The following GCH1 variants were observed in gnomAD, a reference collection of about 807,000 sequenced individuals.
GCH1 encodes GTP cyclohydrolase I.
A neutral mutation model predicts 25.9 loss-of-function variants in GCH1; 5 were observed. The observed-to-expected ratio is 0.19, with a 90% CI of 0.10 to 0.41. GCH1 has a LOEUF of 0.41. Ranked by LOEUF, GCH1 falls within the 10% of genes least tolerant of loss-of-function variation. The pLI is 1.00. For missense variants in GCH1, 261 were observed against 336.5 expected, an observed-to-expected ratio of 0.78 and a Z score of 1.75; for synonymous variants, 159 against 129.6, an observed-to-expected ratio of 1.23 and a Z score of -1.54.
intron 1 of GCH1, chr14:54,885,095 T>C (rs573100929): frequency 6.5e-5 from 20 of 305,392 alleles, no homozygotes; most frequent in Non-Finnish European, 1.0e-4. Context: ...TGTCATCTGT[T>C]GTCCTGGATG....
intron 3 of GCH1, among the ~76,000 whole-genome samples, chr14:54,848,781 A>G (rs539868279): frequency 3.9e-5 from 6 of 152,324 alleles, no homozygotes; most frequent in African/African-American, 1.4e-4. Flanking sequence ...TAGGATATTG[A>G]AGAAATATAT....
intron 2 of GCH1, among the ~76,000 whole-genome samples, chr14:54,864,107 C>T (rs1385011030): frequency 6.6e-6 from 1 of 152,128 alleles, no homozygotes; most frequent in Non-Finnish European, 1.5e-5. Flanking sequence ...AGCAATCCAC[C>T]TACCTCAGCC....
At position 54,843,613 on chromosome 14, in the gene GCH1, T is replaced by C. The variant is rs1287692878; in HGVS notation, c.*404A>G. 1 of 1,463,546 alleles carries C rather than the reference T, an allele frequency of 6.8e-7. No individual in the cohort carries two copies. Among genetic ancestry groups the C allele is most frequent in the Non-Finnish European group, 9.0e-7 (1 of 1,110,580 alleles). The allele number at this position is 1,463,546 out of a possible 1,614,324, so 90.7% of individuals were successfully genotyped here. ...TTTAGCACTTTCGGCACTACACCAC[T>C]TTTATTGGAGGAAGAAAAAAAACAG... is the stretch of plus-strand genomic sequence containing the variant. On this transcript the variant is annotated 3_prime_UTR_variant, in exon 6 of 6. Coordinates refer to ENST00000491895, the MANE Select transcript of GCH1 (RefSeq NM_000161.3).
Position 54,902,768 on chromosome 14 carries a change from C to T in GCH1, c.-105G>A. On this transcript the variant is annotated 5_prime_UTR_variant, in exon 1 of 6. In the 5' UTR this introduces an upstream ATG that the reference lacks. Coordinates refer to ENST00000491895, the MANE Select transcript of GCH1 (RefSeq NM_000161.3). The stretch of plus-strand genomic sequence containing the variant: ...GGACAATGGGCTGTGGCCGGAGTCA[C>T]CTGAGGAAGGTACGCAACCTGCTTA... 2 of 1,344,790 alleles carry T rather than the reference C, an allele frequency of 1.5e-6. No homozygotes were observed. Among genetic ancestry groups the T allele is most frequent in the Non-Finnish European group, 9.5e-7 (1 of 1,051,690 alleles). 83.3% of individuals were successfully genotyped at this position (1,344,790 alleles called of 1,614,324 possible). A position where few individuals can be genotyped will look rare whatever the true frequency, so the allele number is the denominator to read the frequency against.
In GCH1 at chr14:54,898,405, A is replaced by G. The variant is rs1383773759; in HGVS notation, c.343+3916T>C. Among the ~76,000 whole-genome samples the G allele has an allele frequency of 2.0e-5, 3 of 152,198 alleles. No homozygotes were observed. In the East Asian group the frequency reaches 5.8e-4, roughly 29 times the overall value. ...TGGTAAGTGAATGTGAAGGCCTAGG[A>G]CATTACTGTACACTACTGTAAACTT... On this transcript the variant is annotated intron_variant, in intron 1 of 5. Coordinates refer to ENST00000491895, the MANE Select transcript of GCH1 (RefSeq NM_000161.3).
At chr14:54,886,537 G>A (rs551556659) in intron 1 of GCH1, among the ~76,000 whole-genome samples, 9 of 152,246 alleles carry the variant, frequency 5.9e-5, no homozygotes, top group South Asian at 4.2e-4. Context: ...GCGTGAACCC[G>A]GGAAGCGGAG....
chr14:54,844,241 C>A, intron 5 of GCH1, 98 bp from the exon 6 acceptor site: 1 of 822,514 alleles, frequency 1.2e-6, no homozygotes, highest in African/African-American at 1.7e-5. Flanking sequence ...CTCACAGTTA[C>A]CAAGTATATC....
At chr14:54,849,885 G>A (rs2039698849) in intron 3 of GCH1, among the ~76,000 whole-genome samples, 1 of 152,092 alleles carries the variant, frequency 6.6e-6, no homozygotes, top group South Asian at 2.1e-4. Context: ...CTGGACTTCA[G>A]TTTCATTTTT....
chr14:54,852,002 C>A (rs532205427), intron 3 of GCH1, among the ~76,000 whole-genome samples: 71 of 152,294 alleles, frequency 4.7e-4, no homozygotes, highest in Non-Finnish European at 6.3e-4. Context: ...GTTGGCCAGG[C>A]TGGTCTCGAA....
At chr14:54,874,524 A>G (rs979892217) in intron 1 of GCH1, among the ~76,000 whole-genome samples, 27 of 152,340 alleles carry the variant, frequency 1.8e-4, no homozygotes, top group Admixed American at 1.8e-3. Flanking sequence ...AATAAAGGGT[A>G]TTCAATTAGG....
intron 3 of GCH1, among the ~76,000 whole-genome samples, chr14:54,849,354 T>C (rs2039690842): frequency 6.6e-6 from 1 of 152,202 alleles, no homozygotes; most frequent in Admixed American, 6.5e-5. Flanking sequence ...AAAAAAATCT[T>C]TATTTTGCTG....
intron 2 of GCH1, among the ~76,000 whole-genome samples, chr14:54,860,084 G>T (rs897007980): frequency 3.3e-5 from 5 of 152,110 alleles, no homozygotes; most frequent in African/African-American, 1.2e-4. Flanking sequence ...TGCAGAACCT[G>T]CATATATGAA....
chr14:54,862,606 T>TG (rs1268528588), intron 2 of GCH1, among the ~76,000 whole-genome samples: 36 of 125,274 alleles, frequency 2.9e-4, no homozygotes, highest in South Asian at 1.8e-3. Flanking sequence ...TTTTTTTTTT[T>TG]TGGTTGGTTT....
At chr14:54,883,615 C>T (rs2040305537) in intron 1 of GCH1, among the ~76,000 whole-genome samples, 1 of 151,836 alleles carries the variant, frequency 6.6e-6, no homozygotes, top group African/African-American at 2.4e-5. Flanking sequence ...GGAGGTGGAG[C>T]TTGCAGTGAG....
chr14:54,871,107 C>A (rs745336234), intron 1 of GCH1, among the ~76,000 whole-genome samples: 40 of 152,306 alleles, frequency 2.6e-4, no homozygotes, highest in Admixed American at 6.5e-5. Context: ...CAAGGAGGGG[C>A]AGACTGACAC....
intron 2 of GCH1, among the ~76,000 whole-genome samples, chr14:54,863,499 CAAAAAAAAAA>C (rs1209956263): frequency 5.6e-5 from 1 of 17,894 alleles, no homozygotes; most frequent in Non-Finnish European, 1.1e-4. Flanking sequence ...TTTGTAATAG[CAAAAAAAAAA>C]AAAAAAAAAA....
chr14:54,880,228 G>GA (rs1346426424), intron 1 of GCH1, among the ~76,000 whole-genome samples: 1 of 150,180 alleles, frequency 6.7e-6, no homozygotes, highest in Admixed American at 6.7e-5. Context: ...TGATAACTAG[G>GA]AAGTTTAAAC....
chr14:54,878,818 C>T (rs895722978), intron 1 of GCH1, among the ~76,000 whole-genome samples: 1 of 152,172 alleles, frequency 6.6e-6, no homozygotes, highest in African/African-American at 2.4e-5. Context: ...GGCTGGAGTG[C>T]AGCAGTGCAA....
chr14:54,889,088 G>A (rs557803629), intron 1 of GCH1, among the ~76,000 whole-genome samples: 4 of 152,172 alleles, frequency 2.6e-5, no homozygotes, highest in Non-Finnish European at 5.9e-5. Context: ...ACTAACAGCT[G>A]GAGGCTGTCA....
Sources: allele counts gnomAD v4.1 joint callset (sites outside exome capture counted in the v4.1 genomes callset), GRCh38; gene constraint gnomAD v4.1.1; transcripts MANE v1.5; gene names NCBI Gene and HGNC (gene_info 2026-07-23, HGNC 2026-07-21).